NCAM1: variants seen among roughly 807,000 people sequenced by gnomAD.
NCAM1 encodes neural cell adhesion molecule 1.
NCAM1 carries 14 observed loss-of-function variants against 109.8 expected under a neutral mutation model. The ratio of observed to expected loss-of-function variants is 0.13; its 90% CI spans 0.08 to 0.20. NCAM1 has a LOEUF of 0.20. Among genes scored for constraint, NCAM1 ranks in the 10% least tolerant of loss-of-function variants. NCAM1 has a pLI of 1.00. For synonymous variants in NCAM1, 418 were observed against 442.9 expected (o/e 0.94, Z 0.70); for missense variants, 774 against 1,109.9 (o/e 0.70, Z 4.30).
chr11:113,083,087 A>G (rs530091839), intron 1 of NCAM1, among the ~76,000 whole-genome samples: 7 of 151,376 alleles, frequency 4.6e-5, no homozygotes, highest in East Asian at 1.9e-4. Flanking sequence ...GACAAATTCC[A>G]TAGGGCAAAT....
intron 1 of NCAM1, among the ~76,000 whole-genome samples, chr11:113,068,988 G>A (rs1938124377): frequency 6.6e-6 from 1 of 152,162 alleles, no homozygotes. Flanking sequence ...CTTAACAGAT[G>A]TCCCAGCACA....
At chr11:113,062,829 G>A (rs1348477537) in intron 1 of NCAM1, among the ~76,000 whole-genome samples, 6 of 152,104 alleles carry the variant, frequency 3.9e-5, no homozygotes, top group African/African-American at 1.2e-4. Flanking sequence ...TTAGCTGGAT[G>A]TGGTGGTGTG....
At chr11:113,142,578 C>T (rs183868111) in intron 1 of NCAM1, among the ~76,000 whole-genome samples, 4 of 152,220 alleles carry the variant, frequency 2.6e-5, no homozygotes, top group African/African-American at 9.6e-5. Flanking sequence ...GTTGCCAGGA[C>T]CTGGACACAG....
chr11:113,016,335 AG>A (rs1952204351), intron 1 of NCAM1, among the ~76,000 whole-genome samples: 1 of 152,188 alleles, frequency 6.6e-6, no homozygotes, highest in Non-Finnish European at 1.5e-5. Context: ...CAGGGTTGCA[AG>A]GTGATGACCT....
intron 1 of NCAM1, among the ~76,000 whole-genome samples, chr11:113,180,954 G>A (rs1010167465): frequency 2.0e-5 from 3 of 152,164 alleles, no homozygotes; most frequent in Non-Finnish European, 2.9e-5. Flanking sequence ...TAAACGCTTC[G>A]GTGTTGATGG....
At chr11:113,235,256 G>A (rs1555118060) in intron 14 of NCAM1, 92 bp downstream of exon 14, 3 of 1,608,048 alleles carry the variant, frequency 1.9e-6, no homozygotes, top group Admixed American at 3.3e-5. Context: ...TCATTGTTCA[G>A]ACCACAGCTT....
At chr11:113,126,118 C>T (rs1555097031) in intron 1 of NCAM1, among the ~76,000 whole-genome samples, 1 of 149,332 alleles carries the variant, frequency 6.7e-6, no homozygotes, top group South Asian at 2.1e-4. Flanking sequence ...GATCATACCA[C>T]TGCACTTCAG....
intron 1 of NCAM1, among the ~76,000 whole-genome samples, chr11:113,138,780 CT>C (rs1941706917): frequency 6.6e-6 from 1 of 152,236 alleles, no homozygotes; most frequent in Admixed American, 6.5e-5. Context: ...TTTCCACACA[CT>C]TTGGAAATCT....
At chr11:113,095,315 C>CGTGTGTGTGTGTGTGT (rs147958488) in intron 1 of NCAM1, among the ~76,000 whole-genome samples, 2,830 of 151,230 alleles carry the variant, frequency 0.019, 79 homozygotes, top group African/African-American at 0.062. Flanking sequence ...TAATAGAATG[C>CGTGTGTGTGTGTGTGT]GTGTGTGTGT....
intron 19 of NCAM1, among the ~76,000 whole-genome samples, 193 bp from the exon 20 acceptor site, chr11:113,275,069 TAAATC>T (rs1310753631): frequency 6.6e-6 from 1 of 152,216 alleles, no homozygotes; most frequent in Non-Finnish European, 1.5e-5. Flanking sequence ...CCGGACCAAT[TAAATC>T]AGGATTTCCG....
At chr11:113,083,656 A>C (rs1938947526) in intron 1 of NCAM1, among the ~76,000 whole-genome samples, 1 of 152,146 alleles carries the variant, frequency 6.6e-6, no homozygotes, top group African/African-American at 2.4e-5. Flanking sequence ...TGTTTCTCAA[A>C]GTTACTGTGC....
chr11:113,254,404 T>A (rs1161444826), intron 15 of NCAM1, among the ~76,000 whole-genome samples: 1 of 152,216 alleles, frequency 6.6e-6, no homozygotes, highest in Non-Finnish European at 1.5e-5. Context: ...GCTTTTAATC[T>A]ATGCCTGTTA....
rs1565516920 is a variant in NCAM1, at chr11:113,232,439, C to G, written c.1425+85C>G. ...CCAAAATGCAGCTCAAGTCCTCTCT[C>G]CTGCTTCTCTGGCACATCCTGAGCA... is the stretch of plus-strand genomic sequence containing the variant. On this transcript the variant is annotated intron_variant, in intron 11 of 19. Coordinates refer to ENST00000316851, the MANE Select transcript of NCAM1 (RefSeq NM_181351.5). 3.0e-6 allele frequency: 4 copies of G among 1,353,808 alleles called. No homozygotes were observed. In the East Asian group the frequency reaches 9.3e-5, roughly 31 times the overall value. The allele number at this position is 1,353,808 out of a possible 1,614,324, so 83.9% of individuals were successfully genotyped here.
chr11:113,040,682 A>C (rs1333796561), intron 1 of NCAM1, among the ~76,000 whole-genome samples: 2 of 152,338 alleles, frequency 1.3e-5, no homozygotes, highest in Non-Finnish European at 2.9e-5. Flanking sequence ...GTATTTAGAA[A>C]CCATCAATAC....
chr11:113,062,206 A>T (rs1244174295), intron 1 of NCAM1, among the ~76,000 whole-genome samples: 1 of 152,232 alleles, frequency 6.6e-6, no homozygotes, highest in Non-Finnish European at 1.5e-5. Context: ...GAACATTTTC[A>T]TCACTACAGA....
intron 1 of NCAM1, among the ~76,000 whole-genome samples, chr11:113,052,871 G>A (rs1481035267): frequency 2.6e-5 from 4 of 152,048 alleles, no homozygotes; most frequent in African/African-American, 9.7e-5. Context: ...CCCCGACAGG[G>A]CCCGGTGTGT....
At chr11:113,189,462 A>AAG (rs1370503306) in intron 1 of NCAM1, among the ~76,000 whole-genome samples, 2 of 150,576 alleles carry the variant, frequency 1.3e-5, no homozygotes, top group East Asian at 3.9e-4. Context: ...AAAAAAAAAA[A>AAG]AAAAAGAAAA....
Position 113,155,513 on chromosome 11 carries a change from AAAAAAAC to A in NCAM1, c.53-46845_53-46839del, listed in dbSNP as rs1290392796. Among the ~76,000 whole-genome samples the A allele has an allele frequency of 5.9e-4, 89 of 152,084 alleles. 1 individual carries two copies. Among genetic ancestry groups the A allele is most frequent in the South Asian group, 5.2e-3 (25 of 4,808 alleles). ...GACAGAGTGAGGCTCCATCTTAAAAAAAAAAACAAAAAACAAAAAACAAAAAAAATAG... is the reference window on the plus strand; with the variant it reads ...GACAGAGTGAGGCTCCATCTTAAAAAAAAAAACAAAAAACAAAAAAAATAG... On this transcript the variant is annotated intron_variant, in intron 1 of 19. Coordinates refer to ENST00000316851, the MANE Select transcript of NCAM1 (RefSeq NM_181351.5).
At chr11:113,241,007 C>T (rs1463934950) in intron 14 of NCAM1, among the ~76,000 whole-genome samples, 2 of 152,146 alleles carry the variant, frequency 1.3e-5, no homozygotes, top group Non-Finnish European at 2.9e-5. Flanking sequence ...CTTCTCAGAT[C>T]CATGAGGGGC....
Sources: gnomAD v4.1 joint callset for allele counts (sites outside exome capture counted in the v4.1 genomes callset) on GRCh38, gnomAD v4.1.1 for gene constraint, MANE v1.5 for transcripts, NCBI Gene and HGNC (gene_info 2026-07-23, HGNC 2026-07-21) for gene names.